The following STAT1 variants were observed in gnomAD, a reference collection of about 807,000 sequenced individuals.
STAT1 encodes signal transducer and activator of transcription 1-alpha/beta.
STAT1 carries 24 observed loss-of-function variants against 111.7 expected under a neutral mutation model. The ratio of observed to expected loss-of-function variants is 0.21; its 90% CI spans 0.16 to 0.30. The LOEUF (loss-of-function observed/expected upper bound fraction) is 0.30, where lower values mean the gene tolerates loss of function less well. Among genes scored for constraint, STAT1 ranks in the 10% least tolerant of loss-of-function variants. The probability of loss-of-function intolerance (pLI) is 1.00; values close to 1 mark genes in which losing one functional copy is unlikely to be tolerated. For missense variants in STAT1, 351 were observed against 911.9 expected (o/e 0.38, Z 7.92); for synonymous variants, 332 against 326.5 (o/e 1.02, Z -0.18).
chr2:191,009,098 A>G lies in STAT1; in HGVS notation c.138T>C (p.Ala46=), dbSNP rs1414710984. 5 of 1,614,146 alleles carry G rather than the reference A, an allele frequency of 3.1e-6. No homozygotes were observed. Among genetic ancestry groups the G allele is most frequent in the Non-Finnish European group, 4.2e-6 (5 of 1,179,970 alleles). Residue 46 remains alanine, a synonymous_variant, in exon 4 of 25, where the codon GCT becomes GCC. Coordinates refer to ENST00000361099, the MANE Select transcript of STAT1 (RefSeq NM_007315.4). ...QWLEKQDWEH[A]ANDVSFATIR... ...TGGTGGCAAATGAAACATCATTGGCAGCGTGCTCCCTAGGAGATTTAACAT... is the reference window on the plus strand; with the variant it reads ...TGGTGGCAAATGAAACATCATTGGCGGCGTGCTCCCTAGGAGATTTAACAT...
rs1693996290 is a variant in STAT1 at position 190,998,223 on chromosome 2, C to T, written c.627G>A (p.Lys209=). 1 of 1,612,764 alleles carries T rather than the reference C, an allele frequency of 6.2e-7. No individual in the cohort carries two copies. The highest frequency in any genetic ancestry group is 1.3e-5 in the African/African-American group (1 of 74,876). The part of the protein sequence containing the change: ...LKKMYLMLDN[K]RKEVVHKIIE... ...CTGGAAAGTAAATAACTACCTTTCT[C>T]TTATTGTCAAGCATTAAATACATCT... The change falls in exon 8 of 25, where the codon AAG becomes AAA. Residue 209 remains lysine (K), a synonymous_variant. Coordinates refer to ENST00000361099, the MANE Select transcript of STAT1 (RefSeq NM_007315.4). This position sits in a 1 kb window ranked among gnomAD's most constrained non-coding sequence, Gnocchi z 4.1.
At position 191,004,839 on chromosome 2, in the gene STAT1, C is replaced by T. The variant is rs1373512056; in HGVS notation, c.372+2724G>A. Among the ~76,000 whole-genome samples, 1 of 152,108 alleles carries T rather than the reference C, an allele frequency of 6.6e-6. No individual in the cohort carries two copies. Among genetic ancestry groups the T allele is most frequent in the Non-Finnish European group, 1.5e-5 (1 of 68,022 alleles). On this transcript the variant is annotated intron_variant, in intron 5 of 24. Coordinates refer to ENST00000361099, the MANE Select transcript of STAT1 (RefSeq NM_007315.4). The surrounding 1 kb of genome is among the most constrained non-coding windows in gnomAD (Gnocchi z 5.0). Reference sequence around the variant, plus strand: ...GGAACAGCAAAGGAAGCTTAGAATCCACCTCATGTCTTTCCCTCCCACCTG... The same window carrying T: ...GGAACAGCAAAGGAAGCTTAGAATCTACCTCATGTCTTTCCCTCCCACCTG...
chr2:190,985,476 T>C (rs1226326126), intron 15 of STAT1, 143 bp downstream of exon 15: 1 of 799,428 alleles, frequency 1.3e-6, no homozygotes, highest in East Asian at 2.6e-5. Context: ...TTGTCACAGA[T>C]ATACCAAATA....
At position 191,006,911 on chromosome 2, in the gene STAT1, CT is replaced by C. The variant is rs1694743945; in HGVS notation, c.372+651del. Among the ~76,000 whole-genome samples, 1 of 152,176 alleles carries C rather than the reference CT, an allele frequency of 6.6e-6. No individual in the cohort carries two copies. Among genetic ancestry groups the C allele is most frequent in the East Asian group, 1.9e-4 (1 of 5,204 alleles). ...AGCCCTTGATTTTCCCATCAGCCTC[CT>C]TTTCTCTCCACAAACCTATTGAGTC... On this transcript the variant is annotated intron_variant, in intron 5 of 24. Transcript: ENST00000361099. The surrounding 1 kb of genome is among the most constrained non-coding windows in gnomAD (Gnocchi z 4.6).
intron 10 of STAT1, chr2:190,992,604 A>T: frequency 1.1e-6 from 1 of 903,508 alleles, no homozygotes; most frequent in Non-Finnish European, 1.5e-6. Flanking sequence ...TCAGATTGCA[A>T]ATTTATTACT....
rs915074408 is a variant in STAT1, at chr2:190,969,156, C to T, written c.*1547G>A. The T allele has an allele frequency of 2.0e-5, 3 of 152,036 alleles. No homozygotes were observed. Among genetic ancestry groups the T allele is most frequent in the Non-Finnish European group, 4.4e-5 (3 of 67,970 alleles). The allele number at this position is 152,036 out of a possible 1,614,324, so 9.4% of individuals were successfully genotyped here. ...ACAGCTAAACCTCAGCAATTAGAAA[C>T]AATATTGTTTTAATGTTGTCTTCTT... On this transcript the variant is annotated 3_prime_UTR_variant, in exon 25 of 25. Transcript: ENST00000361099.
chr2:191,009,190 T>A (rs1271753297), intron 3 of STAT1, 83 bp from the exon 4 acceptor site: 12 of 1,472,926 alleles, frequency 8.1e-6, no homozygotes, highest in Non-Finnish European at 9.3e-6. Flanking sequence ...GTTTCCTTAT[T>A]GAAATTATTA....
rs1559005384 is a variant in STAT1, at chr2:190,975,902, A to G, written c.2060-15T>C. 6.2e-7 allele frequency: 1 copy of G among 1,602,194 alleles called. No individual in the cohort carries two copies. On this transcript the variant is annotated splice_polypyrimidine_tract_variant and intron_variant, in intron 22 of 24. Transcript: ENST00000361099. The surrounding 1 kb of genome is among the most constrained non-coding windows in gnomAD (Gnocchi z 5.9). ...TGGCTCTGGTGCTAGAAATAAACAC[A>G]TTGTGTACGCTTTCCATCAACCGAA...
rs1456728064 is a variant in STAT1, at chr2:191,012,814, C to A, written c.-2+711G>T. ...TCCAGCTACTCGCCCTTGGAAACAG[C>A]CTCTCCACAAATTTTTGCGTCTCTA... On this transcript the variant is annotated intron_variant, in intron 2 of 24. Transcript: ENST00000361099. This position sits in a 1 kb window ranked among gnomAD's most constrained non-coding sequence, Gnocchi z 4.0. Among the ~76,000 whole-genome samples, 1 of 152,248 alleles carries A rather than the reference C, an allele frequency of 6.6e-6. No individual in the cohort carries two copies. The highest frequency in any genetic ancestry group is 1.5e-5 in the Non-Finnish European group (1 of 68,036).
chr2:191,013,611 T>G lies in STAT1; in HGVS notation c.-88A>C, dbSNP rs1282245963. ...ACGTTAGGTGCCAAGACTGTCGAGG[T>G]TATATACACAGAGTGCGAACGTTAA... On this transcript the variant is annotated 5_prime_UTR_variant, in exon 2 of 25. Transcript: ENST00000361099. 4 of 398,386 alleles carry G rather than the reference T, an allele frequency of 1.0e-5. No homozygotes were observed. In the East Asian group the frequency reaches 1.4e-4, roughly 14 times the overall value. The allele number at this position is 398,386 out of a possible 1,614,324, so 24.7% of individuals were successfully genotyped here.
At position 190,974,527 on chromosome 2, in the gene STAT1, G is replaced by A. The variant is rs1369894821; in HGVS notation, c.2238+303C>T. Among the ~76,000 whole-genome samples, 1 of 152,194 alleles carries A rather than the reference G, an allele frequency of 6.6e-6. No individual in the cohort carries two copies. Among genetic ancestry groups the A allele is most frequent in the African/African-American group, 2.4e-5 (1 of 41,448 alleles). ...ACATTTGCTTATCAAAGAAATCTTAGTTCCTTAATATATGAAATTTCTACA... is the reference window on the plus strand; with the variant it reads ...ACATTTGCTTATCAAAGAAATCTTAATTCCTTAATATATGAAATTTCTACA... On this transcript the variant is annotated intron_variant, in intron 24 of 24. Transcript: ENST00000361099. This position sits in a 1 kb window ranked among gnomAD's most constrained non-coding sequence, Gnocchi z 4.8.
At chr2:191,005,348 T>A (rs191998154) in intron 5 of STAT1, among the ~76,000 whole-genome samples, 1 of 152,208 alleles carries the variant, frequency 6.6e-6, no homozygotes, top group Non-Finnish European at 1.5e-5. Context: ...TACACAGTCA[T>A]GTACCACATA....
chr2:190,986,771 G>C lies in STAT1; in HGVS notation c.1221+83C>G, dbSNP rs1278894142. 7.5e-6 allele frequency: 10 copies of C among 1,335,734 alleles called. No individual in the cohort carries two copies. The highest frequency in any genetic ancestry group is 1.1e-5 in the Non-Finnish European group (10 of 927,498). The allele number at this position is 1,335,734 out of a possible 1,614,324, so 82.7% of individuals were successfully genotyped here. A position where few individuals can be genotyped will look rare whatever the true frequency, so the allele number is the denominator to read the frequency against. On this transcript the variant is annotated intron_variant, in intron 14 of 24. Transcript: ENST00000361099. This position sits in a 1 kb window ranked among gnomAD's most constrained non-coding sequence, Gnocchi z 5.0. ...CCCAGCAGGGGGGCGTCCTCCACAT[G>C]GCAATGTGCCAAAAAGGGCTGCTCT...
chr2:190,999,413 G>C lies in STAT1; in HGVS notation c.541+213C>G, dbSNP rs531733594. Among the ~76,000 whole-genome samples, 6 of 152,146 alleles carry C rather than the reference G, an allele frequency of 3.9e-5. No individual in the cohort carries two copies. The highest frequency in any genetic ancestry group is 8.8e-5 in the Non-Finnish European group (6 of 68,040). On this transcript the variant is annotated intron_variant, in intron 7 of 24. Coordinates refer to ENST00000361099, the MANE Select transcript of STAT1 (RefSeq NM_007315.4). The surrounding 1 kb of genome is among the most constrained non-coding windows in gnomAD (Gnocchi z 4.1). Reference sequence around the variant, plus strand: ...CTGGTGGGTAAAAGTCGGGGATGCTGTTAAACACGCTACAATGCCAGGACA... The same window carrying C: ...CTGGTGGGTAAAAGTCGGGGATGCTCTTAAACACGCTACAATGCCAGGACA...
At position 190,982,103 on chromosome 2, in the gene STAT1, T is replaced by C. The variant is rs1016902443; in HGVS notation, c.1582+280A>G. On this transcript the variant is annotated intron_variant, in intron 18 of 24. Transcript: ENST00000361099. This position sits in a 1 kb window ranked among gnomAD's most constrained non-coding sequence, Gnocchi z 7.3. ...AGGAACTTATTTCAGCCACAAATAA[T>C]ATATTTTACATAATTCATAAAACTT... Among the ~76,000 whole-genome samples, 1 of 152,244 alleles carries C rather than the reference T, an allele frequency of 6.6e-6. No homozygotes were observed. The highest frequency in any genetic ancestry group is 2.4e-5 in the African/African-American group (1 of 41,472).
rs1233244944 is a variant in STAT1 at position 190,987,141 on chromosome 2, T to C, written c.1098-73A>G. On this transcript the variant is annotated intron_variant, in intron 12 of 24. Transcript: ENST00000361099. This position sits in a 1 kb window ranked among gnomAD's most constrained non-coding sequence, Gnocchi z 4.0. ...ATAAGCTTTAACAAAATTATAAGAGTATAAGAGCATAAGAGTGTAAGTGAA... is the reference window on the plus strand; with the variant it reads ...ATAAGCTTTAACAAAATTATAAGAGCATAAGAGCATAAGAGTGTAAGTGAA... The C allele has an allele frequency of 8.9e-7, 1 of 1,121,854 alleles. No homozygotes were observed. The highest frequency in any genetic ancestry group is 1.3e-6 in the Non-Finnish European group (1 of 741,994). The allele number at this position is 1,121,854 out of a possible 1,614,324, so 69.5% of individuals were successfully genotyped here. A position where few individuals can be genotyped will look rare whatever the true frequency, so the allele number is the denominator to read the frequency against.
At position 190,977,730 on chromosome 2, in the gene STAT1, C is replaced by T. The variant is rs1692019444; in HGVS notation, c.1874-705G>A. On this transcript the variant is annotated intron_variant, in intron 21 of 24. Transcript: ENST00000361099. The surrounding 1 kb of genome is among the most constrained non-coding windows in gnomAD (Gnocchi z 4.7). ...TCCTGGCTGGTAGTGTCCTGCTTGACCTTTCCTGGTTGCCAAGGGTTTTCT... is the reference window on the plus strand; with the variant it reads ...TCCTGGCTGGTAGTGTCCTGCTTGATCTTTCCTGGTTGCCAAGGGTTTTCT... 6.6e-6 allele frequency among the ~76,000 whole-genome samples: 1 copy of T among 152,080 alleles called. No individual in the cohort carries two copies. Among genetic ancestry groups the T allele is most frequent in the Admixed American group, 6.6e-5 (1 of 15,254 alleles).
In STAT1 at chr2:190,982,460, A is replaced by C; in HGVS notation, c.1505T>G (p.Leu502Arg). The change falls in exon 18 of 25, where the codon CTG (leucine) becomes CGG (arginine). Residue 502 changes from leucine to arginine, a missense_variant. This residue lies in a region of STAT1 where 181 missense variants were observed against 426.1 expected (regional missense o/e 0.42). Coordinates refer to ENST00000361099, the MANE Select transcript of STAT1 (RefSeq NM_007315.4). This position sits in a 1 kb window ranked among gnomAD's most constrained non-coding sequence, Gnocchi z 7.3. ...GGTGACAGAAGAAAACTGCCAACTC[A>C]GCACTTCTGAAAGCTGAGCCCATCG... ...CARWAQLSEV[L>R]SWQFSSVTKR... 1 of 1,614,244 alleles carries C rather than the reference A, an allele frequency of 6.2e-7. No homozygotes were observed. Among genetic ancestry groups the C allele is most frequent in the Non-Finnish European group, 8.5e-7 (1 of 1,180,040 alleles).
At chr2:191,001,615 C>G (rs1379564494) in intron 5 of STAT1, among the ~76,000 whole-genome samples, 2 of 152,134 alleles carry the variant, frequency 1.3e-5, no homozygotes, top group African/African-American at 2.4e-5. Context: ...TCAGAAAACC[C>G]TATTTTAACA....
Sources: gnomAD v4.1 joint callset for allele counts (sites outside exome capture counted in the v4.1 genomes callset) on GRCh38, gnomAD v4.1.1 for gene constraint, gnomAD v4.1.1 regional missense constraint, Gnocchi (gnomAD v3.1) non-coding constraint, MANE v1.5 for transcripts, NCBI Gene and HGNC (gene_info 2026-07-23, HGNC 2026-07-21) for gene names.